KCNMA1: variants seen among roughly 807,000 people sequenced by gnomAD.
KCNMA1 encodes the protein Calcium-activated potassium channel subunit alpha-1.
Under a neutral mutation model 140.0 loss-of-function variants are expected in KCNMA1, and 29 were observed. The observed-to-expected ratio is 0.21, with a 90% confidence interval of 0.15 to 0.28. The LOEUF is 0.28. KCNMA1 is among the 10% of genes least tolerant of loss of function. The pLI, the probability that KCNMA1 is intolerant of heterozygous loss-of-function variation, is 1.00. For synonymous variants in KCNMA1, 612 were observed against 611.9 expected (o/e 1.00, Z 0.00); for missense variants, 880 against 1,602.2 (o/e 0.55, Z 7.70).
chr10:77,277,431 T>C (rs1007360258), intron 2 of KCNMA1, among the ~76,000 whole-genome samples: 1 of 152,184 alleles, frequency 6.6e-6, no homozygotes, highest in East Asian at 1.9e-4. Flanking sequence ...TTCCGAATCA[T>C]TGATACTACC....
intron 15 of KCNMA1, among the ~76,000 whole-genome samples, chr10:77,032,361 A>C (rs2093993756): frequency 6.6e-6 from 1 of 152,190 alleles, no homozygotes; most frequent in Admixed American, 6.6e-5. Context: ...GTGTTTCAAC[A>C]TATACAGAAT....
chr10:77,209,750 G>A (rs2154171634), intron 3 of KCNMA1, among the ~76,000 whole-genome samples: 1 of 152,118 alleles, frequency 6.6e-6, no homozygotes, highest in Non-Finnish European at 1.5e-5. Flanking sequence ...AATTACAAAA[G>A]ATTCTCGAAG....
chr10:77,356,056 T>C (rs112603428), intron 2 of KCNMA1, among the ~76,000 whole-genome samples: 289 of 152,322 alleles, frequency 1.9e-3, no homozygotes, highest in Non-Finnish European at 3.1e-3. Context: ...TCTGTTTTAC[T>C]TCCATAGAGG....
At chr10:77,226,048 T>C (rs2051277471) in intron 3 of KCNMA1, among the ~76,000 whole-genome samples, 1 of 152,210 alleles carries the variant, frequency 6.6e-6, no homozygotes, top group African/African-American at 2.4e-5. Context: ...GAAGGGGGAC[T>C]TTATGCAGCT....
chr10:77,175,887 C>A (rs911595953), intron 5 of KCNMA1, among the ~76,000 whole-genome samples: 1 of 152,222 alleles, frequency 6.6e-6, no homozygotes, highest in Non-Finnish European at 1.5e-5. Flanking sequence ...TCTGCCTCCA[C>A]TCTCTGGCCA....
intron 1 of KCNMA1, among the ~76,000 whole-genome samples, chr10:77,509,841 T>G (rs1239479165): frequency 1.3e-5 from 2 of 152,196 alleles, no homozygotes; most frequent in Non-Finnish European, 2.9e-5. Flanking sequence ...TACTCCTCAA[T>G]GCTGCTGGGC....
chr10:76,941,622 A>T (rs1274365410), intron 23 of KCNMA1, among the ~76,000 whole-genome samples: 1 of 152,054 alleles, frequency 6.6e-6, no homozygotes, highest in African/African-American at 2.4e-5. Context: ...GAGCTTTGAC[A>T]CTCTCTCTTA....
intron 27 of KCNMA1, among the ~76,000 whole-genome samples, chr10:76,889,149 G>A (rs1337765959): frequency 1.3e-5 from 2 of 152,202 alleles, no homozygotes; most frequent in Non-Finnish European, 2.9e-5. Flanking sequence ...ACCAACAGAT[G>A]TTATCCTAGT....
chr10:77,019,656 A>C (rs2092604354), intron 16 of KCNMA1: 1 of 153,340 alleles, frequency 6.5e-6, no homozygotes, highest in South Asian at 2.0e-4. Flanking sequence ...AAGGACATGG[A>C]AATTGATTCC....
At chr10:77,068,768 G>A (rs2096063651) in intron 14 of KCNMA1, among the ~76,000 whole-genome samples, 1 of 126,788 alleles carries the variant, frequency 7.9e-6, no homozygotes, top group Non-Finnish European at 1.6e-5. Context: ...CAAATAGTTG[G>A]CAATTCTGAG....
At chr10:77,546,894 C>T (rs2061572579) in intron 1 of KCNMA1, among the ~76,000 whole-genome samples, 1 of 152,208 alleles carries the variant, frequency 6.6e-6, no homozygotes, top group African/African-American at 2.4e-5. Flanking sequence ...TAAACCCACT[C>T]TCATTCCATC....
chr10:77,309,045 C>T (rs1242543988), intron 2 of KCNMA1, among the ~76,000 whole-genome samples: 1 of 152,174 alleles, frequency 6.6e-6, no homozygotes, highest in African/African-American at 2.4e-5. Context: ...CAAAGGAGCC[C>T]GGCCATCTCA....
intron 1 of KCNMA1, among the ~76,000 whole-genome samples, chr10:77,592,560 G>C (rs1280007132): frequency 6.6e-6 from 1 of 152,164 alleles, no homozygotes; most frequent in Non-Finnish European, 1.5e-5. Context: ...AATCCAGTTG[G>C]GAAAGATGGT....
chr10:77,604,383 T>C (rs1295666648), intron 1 of KCNMA1, among the ~76,000 whole-genome samples: 1 of 152,100 alleles, frequency 6.6e-6, no homozygotes, highest in Non-Finnish European at 1.5e-5. Flanking sequence ...GAAAAAACAA[T>C]CAGCAGGCAT....
Position 76,941,114 on chromosome 10 carries a change from G to A in KCNMA1, c.2902+3659C>T, listed in dbSNP as rs867317617. 3.5e-4 allele frequency among the ~76,000 whole-genome samples: 17 copies of A among 48,672 alleles called. No individual in the cohort carries two copies. The Middle Eastern group carries it at 0.026, about 74-fold the overall frequency. 31.9% of individuals were successfully genotyped at this position (48,672 alleles called of 152,430 possible). On this transcript the variant is annotated intron_variant, in intron 23 of 27. Coordinates refer to ENST00000286628, the MANE Select transcript of KCNMA1 (RefSeq NM_001161352.2). Reference sequence around the variant, plus strand: ...AAGAAAGAAAGAAGGGAGGGAGGGAGGGAGGGAAGGGAAGGGAAGGGAAGG... The same window carrying A: ...AAGAAAGAAAGAAGGGAGGGAGGGAAGGAGGGAAGGGAAGGGAAGGGAAGG...
intron 5 of KCNMA1, chr10:77,147,904 A>C (rs2098338592): frequency 6.6e-6 from 1 of 152,222 alleles, no homozygotes; most frequent in Admixed American, 6.5e-5. Context: ...GCCATATACA[A>C]GGATAAAGCA....
intron 1 of KCNMA1, among the ~76,000 whole-genome samples, chr10:77,564,927 G>C (rs1043271220): frequency 1.3e-5 from 2 of 152,202 alleles, no homozygotes; most frequent in African/African-American, 4.8e-5. Context: ...CAGTATTTGG[G>C]GAGCTTAATT....
At chr10:77,260,015 G>A (rs950740927) in intron 2 of KCNMA1, among the ~76,000 whole-genome samples, 4 of 152,192 alleles carry the variant, frequency 2.6e-5, no homozygotes, top group African/African-American at 9.6e-5. Context: ...AAGAGAGGTG[G>A]GAGAAACATG....
chr10:77,086,455 G>T, intron 11 of KCNMA1, 33 bp downstream of exon 11: 2 of 1,499,612 alleles, frequency 1.3e-6, no homozygotes, highest in Admixed American at 1.7e-5. Flanking sequence ...CACCAAGATG[G>T]AATAAAAGCA....
Sources: allele counts gnomAD v4.1 joint callset (sites outside exome capture counted in the v4.1 genomes callset), GRCh38; gene constraint gnomAD v4.1.1; transcripts MANE v1.5; gene names NCBI Gene and HGNC (gene_info 2026-07-23, HGNC 2026-07-21).